Variants in PPP2R3A observed in about 807,000 individuals in gnomAD.
PPP2R3A encodes the protein serine/threonine-protein phosphatase 2A regulatory subunit B'' subunit alpha.
Under a neutral mutation model 106.9 loss-of-function variants are expected in PPP2R3A, and 80 were observed. The observed-to-expected ratio is 0.75, with a 90% confidence interval of 0.62 to 0.90. PPP2R3A has a LOEUF of 0.90. Among genes scored for constraint, PPP2R3A ranks in the 40% least tolerant of loss-of-function variants. The pLI, the probability that PPP2R3A is intolerant of heterozygous loss-of-function variation, is 0.00. For synonymous variants in PPP2R3A, 483 were observed against 468.3 expected (o/e 1.03, Z -0.41); for missense variants, 1,386 against 1,350.4 (o/e 1.03, Z -0.41).
Position 136,003,392 on chromosome 3 carries a change from T to C in PPP2R3A, c.1894T>C (p.Ser632Pro). The C allele has an allele frequency of 6.2e-7, 1 of 1,613,968 alleles. No homozygotes were observed. Among genetic ancestry groups the C allele is most frequent in the African/African-American group, 1.3e-5 (1 of 75,008 alleles). ...AATTCTACAGGAAACCTTGACAACTTCCTCCCAGGCCAATTTATCAGTCTG... is the reference window on the plus strand; with the variant it reads ...AATTCTACAGGAAACCTTGACAACTCCCTCCCAGGCCAATTTATCAGTCTG... Reference protein sequence around the residue: ...MQILQETLTTSSQANLSVCRS... With the variant: ...MQILQETLTTPSQANLSVCRS... The change falls in exon 2 of 14, where the codon TCC becomes CCC. Residue 632 changes from serine (S) to proline (P), a missense_variant. Physicochemically the swap from Ser to Pro is moderately conservative, Grantham distance 74. Transcript: ENST00000264977.
chr3:136,065,870 C>T (rs1381713409), intron 5 of PPP2R3A, among the ~76,000 whole-genome samples: 2 of 152,110 alleles, frequency 1.3e-5, no homozygotes, highest in East Asian at 3.9e-4. Flanking sequence ...GAGACAAGGT[C>T]TTGCTATGTT....
chr3:136,039,727 A>C (rs1361644929), intron 3 of PPP2R3A, among the ~76,000 whole-genome samples: 1 of 152,134 alleles, frequency 6.6e-6, no homozygotes, highest in East Asian at 1.9e-4. Context: ...CCATGTGTCC[A>C]TGGCCTGGGA....
chr3:135,987,090 G>T (rs1016907981), intron 1 of PPP2R3A, among the ~76,000 whole-genome samples: 1 of 152,068 alleles, frequency 6.6e-6, no homozygotes, highest in Admixed American at 6.6e-5. Flanking sequence ...GAACAGAGTT[G>T]ATCGTTCACT....
intron 2 of PPP2R3A, among the ~76,000 whole-genome samples, chr3:136,006,522 C>CAACA (rs1264352984): frequency 1.3e-5 from 2 of 152,122 alleles, no homozygotes; most frequent in East Asian, 3.9e-4. Context: ...CAAGACAAAC[C>CAACA]AACAAACAAA....
Position 136,001,786 on chromosome 3 carries a change from G to A in PPP2R3A, c.288G>A (p.Arg96=). The change falls in exon 2 of 14, where the codon AGG becomes AGA. Residue 96 remains arginine (R), a synonymous_variant. Coordinates refer to ENST00000264977, the MANE Select transcript of PPP2R3A (RefSeq NM_002718.5). ...YPQQAFTGIP[R]VKRGSTFQNT... ...AACAGGCCTTCACAGGCATACCCAG[G>A]GTCAAGAGAGGATCTACATTTCAGA... is the stretch of plus-strand genomic sequence containing the variant. The A allele has an allele frequency of 6.2e-7, 1 of 1,614,102 alleles. No individual in the cohort carries two copies. Among genetic ancestry groups the A allele is most frequent in the African/African-American group, 1.3e-5 (1 of 75,024 alleles).
At chr3:135,996,628 T>C (rs190597370) in intron 1 of PPP2R3A, among the ~76,000 whole-genome samples, 36 of 152,336 alleles carry the variant, frequency 2.4e-4, no homozygotes, top group Middle Eastern at 3.4e-3. Context: ...ATTTAATCAA[T>C]AAACATATTA....
chr3:136,138,594 A>G (rs1042369724), intron 13 of PPP2R3A, among the ~76,000 whole-genome samples: 1 of 151,378 alleles, frequency 6.6e-6, no homozygotes, highest in African/African-American at 2.4e-5. Context: ...TCCATTTTAT[A>G]TAAGTGGCTT....
intron 1 of PPP2R3A, among the ~76,000 whole-genome samples, chr3:135,988,626 T>G (rs1344945175): frequency 6.6e-6 from 1 of 152,158 alleles, no homozygotes. Context: ...TGCTAAAACA[T>G]TCAAGCCATG....
chr3:136,123,455 T>C (rs182841778), intron 13 of PPP2R3A, among the ~76,000 whole-genome samples: 75 of 152,286 alleles, frequency 4.9e-4, no homozygotes, highest in Non-Finnish European at 3.2e-4. Flanking sequence ...GGAAGAAATG[T>C]ATAAGGAAAT....
intron 2 of PPP2R3A, among the ~76,000 whole-genome samples, chr3:136,023,614 G>A (rs969958839): frequency 1.2e-4 from 18 of 152,158 alleles, no homozygotes; most frequent in African/African-American, 3.6e-4. Flanking sequence ...ATATATTAGC[G>A]TGCATACACA....
intron 1 of PPP2R3A, among the ~76,000 whole-genome samples, chr3:135,970,665 G>A (rs1559844481): frequency 6.6e-6 from 1 of 152,200 alleles, no homozygotes; most frequent in South Asian, 2.1e-4. Flanking sequence ...AATGGGAGTG[G>A]CAAGTGTTGG....
At chr3:136,074,346 AAAG>A (rs1936531518) in intron 6 of PPP2R3A, among the ~76,000 whole-genome samples, 1 of 152,248 alleles carries the variant, frequency 6.6e-6, no homozygotes, top group Non-Finnish European at 1.5e-5. Context: ...TTTGTACAGC[AAAG>A]AAGGACATCA....
In PPP2R3A at chr3:136,055,593, T is replaced by C. The variant is rs551408356; in HGVS notation, c.2469+6232T>C. 40 of 1,402,872 alleles carry C rather than the reference T, an allele frequency of 2.9e-5. No homozygotes were observed. The South Asian group carries it at 4.3e-4, about 15-fold the overall frequency. 86.9% of individuals were successfully genotyped at this position (1,402,872 alleles called of 1,614,324 possible). ...GCGGGTCTTTCTCTGCAGTACTGTA[T>C]CCACACGAGCCAACTGCTGTATTTA... On this transcript the variant is annotated intron_variant, in intron 5 of 13. Transcript: ENST00000264977.
At chr3:136,111,974 C>T (rs1005766561) in intron 13 of PPP2R3A, among the ~76,000 whole-genome samples, 2 of 152,122 alleles carry the variant, frequency 1.3e-5, no homozygotes, top group African/African-American at 4.8e-5. Context: ...TCCTGGGATA[C>T]GAGGTTGGTT....
chr3:136,129,393 A>T (rs546810943), intron 13 of PPP2R3A, among the ~76,000 whole-genome samples: 1 of 152,228 alleles, frequency 6.6e-6, no homozygotes, highest in African/African-American at 2.4e-5. Context: ...AAACACCTCT[A>T]TGCAAATAAA....
At chr3:136,074,608 G>A (rs777210259) in intron 6 of PPP2R3A, among the ~76,000 whole-genome samples, 9 of 152,222 alleles carry the variant, frequency 5.9e-5, no homozygotes, top group Non-Finnish European at 1.0e-4. Flanking sequence ...TAAAATAAGC[G>A]ATGAGATTTA....
At chr3:136,078,666 C>T (rs938086446) in intron 7 of PPP2R3A, among the ~76,000 whole-genome samples, 1 of 152,192 alleles carries the variant, frequency 6.6e-6, no homozygotes, top group Admixed American at 6.5e-5. Context: ...TGAAGGCATG[C>T]ACTCTGGAGC....
At chr3:136,069,950 C>G (rs1287472309) in intron 5 of PPP2R3A, among the ~76,000 whole-genome samples, 3 of 151,980 alleles carry the variant, frequency 2.0e-5, no homozygotes, top group African/African-American at 7.3e-5. Context: ...ATGATTTATC[C>G]ACACAATTAT....
At chr3:135,974,556 C>G (rs1489669946) in intron 1 of PPP2R3A, among the ~76,000 whole-genome samples, 1 of 152,162 alleles carries the variant, frequency 6.6e-6, no homozygotes, top group Non-Finnish European at 1.5e-5. Context: ...CTTGCTTTGT[C>G]CCAGTCAAAA....
Sources: allele counts gnomAD v4.1 joint callset (sites outside exome capture counted in the v4.1 genomes callset), GRCh38; gene constraint gnomAD v4.1.1; transcripts MANE v1.5; gene names NCBI Gene and HGNC (gene_info 2026-07-23, HGNC 2026-07-21).